Variants in ATXN8OS observed in about 807,000 individuals in gnomAD.
ATXN8OS encodes the protein ATXN8 opposite strand (non-protein coding).
At chr13:70,142,792 C>T (rs1292227926) in intron 3 of ATXN8OS, among the ~76,000 whole-genome samples, 2 of 152,050 alleles carry the variant, frequency 1.3e-5, no homozygotes, top group East Asian at 3.9e-4. Flanking sequence ...TTCATAAATG[C>T]GGCCGGCCGC....
chr13:70,138,040 GAAC>G (rs1156400969), intron 3 of ATXN8OS, among the ~76,000 whole-genome samples: 1 of 152,178 alleles, frequency 6.6e-6, no homozygotes. Flanking sequence ...ATTATCACGA[GAAC>G]AACATGGCGG....
chr13:70,166,123 G>A (rs1367765160), intron 4 of ATXN8OS, among the ~76,000 whole-genome samples: 1 of 151,968 alleles, frequency 6.6e-6, no homozygotes, highest in Non-Finnish European at 1.5e-5. Context: ...ATCAGGATAA[G>A]ATGCTGACTA....
At position 70,139,374 on chromosome 13, in the gene ATXN8OS, A is replaced by ACTGCTGCTGCTGCTGCTG. The variant is rs1436504114; in HGVS notation, n.500-7979_500-7978insGCTGCTGCTGCTGCTGCT. On this transcript the variant is annotated intron_variant and non_coding_transcript_variant, in intron 3 of 4. Coordinates refer to ENST00000678624, the Ensembl canonical transcript of ATXN8OS. ...CTTTACTACTACTACTACTACTACT[A>ACTGCTGCTGCTGCTGCTG]CTACTACTACTGCTGCTGCTGCTGC... 38 of 648,852 alleles carry ACTGCTGCTGCTGCTGCTG rather than the reference A, an allele frequency of 5.9e-5. 2 individuals are homozygous for ACTGCTGCTGCTGCTGCTG. Among genetic ancestry groups the ACTGCTGCTGCTGCTGCTG allele is most frequent in the East Asian group, 4.9e-4 (16 of 32,958 alleles). 40.2% of individuals were successfully genotyped at this position (648,852 alleles called of 1,614,324 possible). A position where few individuals can be genotyped will look rare whatever the true frequency, so the allele number is the denominator to read the frequency against.
At chr13:70,113,021 C>A (rs2137469012) in intron 1 of ATXN8OS, among the ~76,000 whole-genome samples, 1 of 147,778 alleles carries the variant, frequency 6.8e-6, no homozygotes, top group East Asian at 2.0e-4. Flanking sequence ...CTCCTGGATT[C>A]AAGTGATTCT....
chr13:70,142,255 T>C (rs994278328), intron 3 of ATXN8OS, among the ~76,000 whole-genome samples: 1 of 152,206 alleles, frequency 6.6e-6, no homozygotes, highest in Non-Finnish European at 1.5e-5. Context: ...CAAATCTGAA[T>C]AAAACTTTGT....
At chr13:70,145,900 A>G (rs1336179346) in intron 3 of ATXN8OS, among the ~76,000 whole-genome samples, 1 of 150,582 alleles carries the variant, frequency 6.6e-6, no homozygotes, top group Non-Finnish European at 1.5e-5. Flanking sequence ...ACAAAAGCCA[A>G]AATTGACAAA....
chr13:70,136,954 C>A (rs1025673173), intron 3 of ATXN8OS, among the ~76,000 whole-genome samples: 2 of 152,024 alleles, frequency 1.3e-5, no homozygotes, highest in African/African-American at 2.4e-5. Context: ...TGTTTAGTTG[C>A]GATACTGGCC....
intron 4 of ATXN8OS, among the ~76,000 whole-genome samples, chr13:70,158,895 CTG>C (rs1424651903): frequency 6.6e-6 from 1 of 152,090 alleles, no homozygotes; most frequent in East Asian, 1.9e-4. Flanking sequence ...TTGTCAACCT[CTG>C]TGTTATAGGA....
At chr13:70,117,922 T>G (rs894644936) in intron 2 of ATXN8OS, among the ~76,000 whole-genome samples, 10 of 152,114 alleles carry the variant, frequency 6.6e-5, no homozygotes, top group Admixed American at 5.2e-4. Context: ...AGGCATTTTG[T>G]AAAATATCCA....
chr13:70,139,109 A>T, intron 3 of ATXN8OS: 1 of 403,322 alleles, frequency 2.5e-6, no homozygotes, highest in Non-Finnish European at 4.4e-6. Flanking sequence ...GGTAAATAAT[A>T]CCTTTAGGTT....
exon 5 of ATXN8OS, among the ~76,000 whole-genome samples, chr13:70,170,020 T>C (rs1351697039): frequency 6.6e-6 from 1 of 152,152 alleles, no homozygotes; most frequent in Non-Finnish European, 1.5e-5. Flanking sequence ...CCTTGTTCTC[T>C]TGGCTAAAAC....
chr13:70,140,369 T>G (rs1178428796), intron 3 of ATXN8OS, among the ~76,000 whole-genome samples: 1 of 152,126 alleles, frequency 6.6e-6, no homozygotes, highest in Non-Finnish European at 1.5e-5. Flanking sequence ...CCACTCTACT[T>G]CTTCACTAGG....
intron 1 of ATXN8OS, among the ~76,000 whole-genome samples, chr13:70,113,984 A>G (rs1834065747): frequency 6.6e-6 from 1 of 152,202 alleles, no homozygotes; most frequent in South Asian, 2.1e-4. Context: ...ACCCCAAAAC[A>G]ACATTTTTTA....
At chr13:70,130,123 C>A (rs1888510221) in intron 3 of ATXN8OS, among the ~76,000 whole-genome samples, 1 of 152,174 alleles carries the variant, frequency 6.6e-6, no homozygotes, top group Non-Finnish European at 1.5e-5. Flanking sequence ...CAGATGCCAT[C>A]TTGTGATGAA....
At chr13:70,140,920 G>A (rs1888705903) in intron 3 of ATXN8OS, among the ~76,000 whole-genome samples, 2 of 152,244 alleles carry the variant, frequency 1.3e-5, no homozygotes, top group South Asian at 2.1e-4. Flanking sequence ...TATCTACGAT[G>A]GACATAGTTG....
rs530990512 is a variant in ATXN8OS at position 70,112,294 on chromosome 13, A to G, written n.241-2847A>G. On this transcript the variant is annotated intron_variant and non_coding_transcript_variant, in intron 1 of 4. Transcript: ENST00000678624. Reference sequence around the variant, plus strand: ...ACATGAGATTTGGGTGGGGACACAGAGCCAAACCATATCATACATTAATAT... The same window carrying G: ...ACATGAGATTTGGGTGGGGACACAGGGCCAAACCATATCATACATTAATAT... Among the ~76,000 whole-genome samples the G allele has an allele frequency of 3.9e-5, 6 of 152,300 alleles. No homozygotes were observed. The East Asian group carries it at 1.2e-3, about 29-fold the overall frequency.
chr13:70,164,340 C>T (rs1889053077), intron 4 of ATXN8OS, among the ~76,000 whole-genome samples: 1 of 151,544 alleles, frequency 6.6e-6, no homozygotes, highest in Admixed American at 6.6e-5. Context: ...TCCTTCTCCT[C>T]CTCTTTCTCT....
exon 2 of ATXN8OS, chr13:70,115,236 A>T (rs1217416998): frequency 2.5e-6 from 1 of 398,390 alleles, no homozygotes; most frequent in African/African-American, 2.1e-5. Flanking sequence ...CAGAAGGGCA[A>T]GAGAGAGAAC....
intron 4 of ATXN8OS, among the ~76,000 whole-genome samples, chr13:70,158,263 C>A (rs1888961552): frequency 6.6e-6 from 1 of 152,000 alleles, no homozygotes; most frequent in Non-Finnish European, 1.5e-5. Flanking sequence ...ACTAAAAATA[C>A]AAAAATTAGC....
Sources: allele counts gnomAD v4.1 joint callset (sites outside exome capture counted in the v4.1 genomes callset), GRCh38; gene constraint gnomAD v4.1.1; transcripts MANE v1.5; gene names NCBI Gene and HGNC (gene_info 2026-07-23, HGNC 2026-07-21).